The following PLCH1 variants were observed in gnomAD, a reference collection of about 807,000 sequenced individuals.
PLCH1 encodes 1-phosphatidylinositol 4,5-bisphosphate phosphodiesterase eta-1.
PLCH1 carries 60 observed loss-of-function variants against 126.7 expected under a neutral mutation model. The observed-to-expected ratio is 0.47, with a 90% CI of 0.38 to 0.59. The LOEUF is 0.59. PLCH1 is among the 20% of genes least tolerant of loss of function. PLCH1 has a pLI of 0.00. For synonymous variants in PLCH1, 719 were observed against 734.9 expected (o/e 0.98, Z 0.35); for missense variants, 1,723 against 2,040.0 (o/e 0.84, Z 2.99).
At chr3:155,678,328 G>C (rs1331261149) in intron 2 of PLCH1, among the ~76,000 whole-genome samples, 1 of 152,198 alleles carries the variant, frequency 6.6e-6, no homozygotes, top group East Asian at 1.9e-4. Flanking sequence ...GGGCACCGTT[G>C]AGGGCCAAGC....
At chr3:155,458,484 A>AAGAAAGAAAGAAAGAAAGAAGAGAG (rs1712563445) in intron 21 of PLCH1, among the ~76,000 whole-genome samples, 1 of 111,612 alleles carries the variant, frequency 9.0e-6, no homozygotes, top group African/African-American at 7.1e-5. Flanking sequence ...GAAAGAAAGA[A>AAGAAAGAAAGAAAGAAAGAAGAGAG]AGAAAGAAAG....
chr3:155,542,062 C>T (rs551636798), intron 10 of PLCH1, among the ~76,000 whole-genome samples: 252 of 152,252 alleles, frequency 1.7e-3, no homozygotes, highest in African/African-American at 5.7e-3. Flanking sequence ...GCACCATGCG[C>T]GAGCCGAAGC....
chr3:155,637,313 C>T (rs966843485), intron 2 of PLCH1, among the ~76,000 whole-genome samples: 4 of 152,170 alleles, frequency 2.6e-5, no homozygotes, highest in Non-Finnish European at 5.9e-5. Flanking sequence ...AGAGGCTAAA[C>T]CCTTAACTTT....
At chr3:155,532,857 T>G (rs1722879144) in intron 10 of PLCH1, among the ~76,000 whole-genome samples, 1 of 152,190 alleles carries the variant, frequency 6.6e-6, no homozygotes, top group African/African-American at 2.4e-5. Context: ...AGTCGGGTAC[T>G]GCTATACAGA....
chr3:155,699,699 T>C (rs1746115474), intron 2 of PLCH1, among the ~76,000 whole-genome samples: 1 of 152,188 alleles, frequency 6.6e-6, no homozygotes, highest in Non-Finnish European at 1.5e-5. Flanking sequence ...CCAGTGCAGA[T>C]GGAACTCCAG....
At chr3:155,726,845 G>A (rs758310186) in intron 1 of PLCH1, among the ~76,000 whole-genome samples, 22 of 150,028 alleles carry the variant, frequency 1.5e-4, no homozygotes, top group Non-Finnish European at 1.5e-4. Context: ...ACAGGCACGC[G>A]CCATCCCACC....
intron 1 of PLCH1, among the ~76,000 whole-genome samples, chr3:155,732,709 C>T (rs1748861562): frequency 6.6e-6 from 1 of 151,736 alleles, no homozygotes; most frequent in East Asian, 1.9e-4. Flanking sequence ...GAAACCCCAT[C>T]TCCACTAAAA....
At chr3:155,484,460 T>G (rs1041828690) in intron 22 of PLCH1, among the ~76,000 whole-genome samples, 1 of 152,226 alleles carries the variant, frequency 6.6e-6, no homozygotes, top group East Asian at 1.9e-4. Flanking sequence ...AAATGGTGTT[T>G]GTGGGAAAAG....
At chr3:155,472,651 T>C (rs1467611270) in intron 21 of PLCH1, among the ~76,000 whole-genome samples, 2 of 151,610 alleles carry the variant, frequency 1.3e-5, no homozygotes, top group African/African-American at 4.9e-5. Flanking sequence ...ACCAATATCC[T>C]TGATGAACAT....
At chr3:155,467,266 AT>A (rs1396627538) in intron 21 of PLCH1, among the ~76,000 whole-genome samples, 4 of 152,010 alleles carry the variant, frequency 2.6e-5, no homozygotes, top group African/African-American at 9.7e-5. Context: ...AAAAAAAAAA[AT>A]AAAAAAGATA....
chr3:155,479,553 C>A (rs190171689), downstream of PLCH1, among the ~76,000 whole-genome samples: 1 of 152,090 alleles, frequency 6.6e-6, no homozygotes, highest in African/African-American at 2.4e-5. Flanking sequence ...GTAGCTCCCC[C>A]ACCCACGACC....
At chr3:155,683,941 G>A (rs925441006) in intron 2 of PLCH1, among the ~76,000 whole-genome samples, 1 of 152,150 alleles carries the variant, frequency 6.6e-6, no homozygotes, top group African/African-American at 2.4e-5. Context: ...CTAAGTGCTT[G>A]TATTCTCCAG....
Position 155,602,076 on chromosome 3 carries a change from G to A in PLCH1, c.80-5698C>T, listed in dbSNP as rs150826139. Among the ~76,000 whole-genome samples, 802 of 151,458 alleles carry A rather than the reference G, an allele frequency of 5.3e-3. 9 individuals are homozygous for A. The highest frequency in any genetic ancestry group is 0.018 in the African/African-American group (751 of 40,838). ...TGCTAAACTCTTCCACTGGCACTTCGGGTAAAAATTACCCTGAATAGGAGA... is the reference window on the plus strand; with the variant it reads ...TGCTAAACTCTTCCACTGGCACTTCAGGTAAAAATTACCCTGAATAGGAGA... On this transcript the variant is annotated intron_variant, in intron 2 of 22. Transcript: ENST00000460012.
intron 2 of PLCH1, among the ~76,000 whole-genome samples, chr3:155,641,375 A>G (rs1739382887): frequency 6.6e-6 from 1 of 151,880 alleles, no homozygotes; most frequent in Non-Finnish European, 1.5e-5. Flanking sequence ...TTCTCTCTGT[A>G]TGATAAGCCC....
At chr3:155,650,635 C>T (rs1740604515) in intron 2 of PLCH1, among the ~76,000 whole-genome samples, 1 of 152,088 alleles carries the variant, frequency 6.6e-6, no homozygotes, top group Non-Finnish European at 1.5e-5. Flanking sequence ...ATGTGACGCA[C>T]ATTATACCTA....
In PLCH1 at chr3:155,714,695, C is replaced by A. The variant is rs184201917; in HGVS notation, c.-40-10431G>T. Among the ~76,000 whole-genome samples, 25 of 152,256 alleles carry A rather than the reference C, an allele frequency of 1.6e-4. 1 individual carries two copies. The East Asian group carries it at 4.6e-3, about 28-fold the overall frequency. On this transcript the variant is annotated intron_variant, in intron 1 of 22. Coordinates refer to ENST00000460012, the MANE Select transcript of PLCH1 (RefSeq NM_014996.4). ...GCGCAATCGACCCTCCAAAGACACC[C>A]GGGATGCTGCATTTGAAAGGGCTGG...
chr3:155,514,985 C>T (rs1405760972), intron 11 of PLCH1, 101 bp from the exon 12 acceptor site: 2 of 704,998 alleles, frequency 2.8e-6, no homozygotes, highest in Non-Finnish European at 4.3e-6. Context: ...TTTCACTTCT[C>T]TCAATTACTT....
At chr3:155,638,818 A>G (rs1739039307) in intron 2 of PLCH1, among the ~76,000 whole-genome samples, 1 of 152,220 alleles carries the variant, frequency 6.6e-6, no homozygotes, top group Admixed American at 6.5e-5. Flanking sequence ...AGAATGAGTA[A>G]ACCTTCTGAA....
At chr3:155,698,027 C>T (rs1745967255) in intron 2 of PLCH1, among the ~76,000 whole-genome samples, 1 of 152,196 alleles carries the variant, frequency 6.6e-6, no homozygotes, top group African/African-American at 2.4e-5. Flanking sequence ...CAACCACCAA[C>T]AGCCAGGCCA....
Sources: allele counts gnomAD v4.1 joint callset (sites outside exome capture counted in the v4.1 genomes callset), GRCh38; gene constraint gnomAD v4.1.1; transcripts MANE v1.5; gene names NCBI Gene and HGNC (gene_info 2026-07-23, HGNC 2026-07-21).